The following DPYD variants were observed in gnomAD, a reference collection of about 807,000 sequenced individuals.
DPYD encodes the protein dihydropyrimidine dehydrogenase [NADP(+)].
DPYD carries 109 observed loss-of-function variants against 116.2 expected under a neutral mutation model. The ratio of observed to expected loss-of-function variants is 0.94; its 90% confidence interval spans 0.80 to 1.10. The LOEUF (loss-of-function observed/expected upper bound fraction) is 1.10. Among genes scored for constraint, DPYD ranks in the 50% least tolerant of loss-of-function variants. The pLI is 0.00. For missense variants in DPYD, 1,302 were observed against 1,254.5 expected, an observed-to-expected ratio of 1.04 and a Z score of -0.57; for synonymous variants, 440 against 432.0, an observed-to-expected ratio of 1.02 and a Z score of -0.23.
chr1:97,557,847 C>G (rs533173546), intron 11 of DPYD, among the ~76,000 whole-genome samples: 1 of 152,282 alleles, frequency 6.6e-6, no homozygotes, highest in African/African-American at 2.4e-5. Context: ...GGCAGGCATA[C>G]TGCTGGATAT....
At chr1:97,861,160 A>G (rs1002442028) in intron 2 of DPYD, among the ~76,000 whole-genome samples, 22 of 152,066 alleles carry the variant, frequency 1.4e-4, no homozygotes, top group Non-Finnish European at 2.5e-4. Flanking sequence ...TTAAGGGAAA[A>G]TGATAACTAT....
At chr1:97,203,720 G>T (rs1172105302) in intron 19 of DPYD, among the ~76,000 whole-genome samples, 1 of 90,418 alleles carries the variant, frequency 1.1e-5, no homozygotes, top group East Asian at 7.0e-4. Context: ...TTAACGCATG[G>T]AATTTTTTTC....
At chr1:97,777,857 C>T (rs948036240) in intron 3 of DPYD, among the ~76,000 whole-genome samples, 1 of 151,814 alleles carries the variant, frequency 6.6e-6, no homozygotes, top group African/African-American at 2.4e-5. Context: ...CTTAAGATTA[C>T]ATCAGAAAAT....
At chr1:97,730,750 A>C (rs1571263494) in intron 4 of DPYD, among the ~76,000 whole-genome samples, 1 of 152,200 alleles carries the variant, frequency 6.6e-6, no homozygotes, top group African/African-American at 2.4e-5. Flanking sequence ...GAGAGAAAGA[A>C]AAAGATGAAA....
chr1:97,527,794 GAA>G (rs35111926), intron 12 of DPYD, among the ~76,000 whole-genome samples: 1,331 of 112,750 alleles, frequency 0.012, 20 homozygotes, highest in African/African-American at 0.04. Context: ...ATGAAATTTG[GAA>G]AAAAAAAAAA....
chr1:97,532,567 G>T (rs1014628749), intron 12 of DPYD, among the ~76,000 whole-genome samples: 11 of 151,952 alleles, frequency 7.2e-5, no homozygotes, highest in Non-Finnish European at 1.6e-4. Flanking sequence ...TTTGTTATTG[G>T]TCTTTTCAGG....
At chr1:97,465,202 C>A (rs1677248542) in intron 13 of DPYD, among the ~76,000 whole-genome samples, 1 of 152,172 alleles carries the variant, frequency 6.6e-6, no homozygotes, top group Non-Finnish European at 1.5e-5. Flanking sequence ...GCTGTATTTA[C>A]CCAGTGTCTC....
chr1:97,796,599 C>T (rs2101303866), intron 3 of DPYD, among the ~76,000 whole-genome samples: 1 of 151,980 alleles, frequency 6.6e-6, no homozygotes. Context: ...TGAAAAGAGA[C>T]TCAGGGAGAG....
chr1:97,469,531 T>C (rs944665907), intron 13 of DPYD, among the ~76,000 whole-genome samples: 9 of 151,012 alleles, frequency 6.0e-5, no homozygotes, highest in African/African-American at 1.5e-4. Flanking sequence ...GTAGTGAAAA[T>C]AGAACAATAG....
At chr1:97,426,699 T>A (rs1011460381) in intron 14 of DPYD, among the ~76,000 whole-genome samples, 26 of 152,036 alleles carry the variant, frequency 1.7e-4, no homozygotes, top group Non-Finnish European at 1.5e-5. Context: ...GGAATACTCC[T>A]CTTTTTCAGG....
chr1:97,649,666 T>G (rs1354127731), intron 8 of DPYD, among the ~76,000 whole-genome samples: 2 of 152,136 alleles, frequency 1.3e-5, no homozygotes, highest in African/African-American at 4.8e-5. Flanking sequence ...TGTGTTATTG[T>G]CAGAAGAATA....
chr1:97,902,529 G>A (rs1673417778), intron 1 of DPYD, among the ~76,000 whole-genome samples: 1 of 151,772 alleles, frequency 6.6e-6, no homozygotes, highest in Non-Finnish European at 1.5e-5. Flanking sequence ...CACATGTCAA[G>A]TAATTCTTTA....
chr1:97,820,978 A>C (rs1176619553), intron 3 of DPYD, among the ~76,000 whole-genome samples: 1 of 152,008 alleles, frequency 6.6e-6, no homozygotes, highest in Non-Finnish European at 1.5e-5. Context: ...TCAGAATCTG[A>C]CGTCACCTTT....
chr1:97,920,101 G>A (rs1351286687), intron 1 of DPYD, among the ~76,000 whole-genome samples: 1 of 152,186 alleles, frequency 6.6e-6, no homozygotes, highest in Non-Finnish European at 1.5e-5. Flanking sequence ...GCTCAAAAGT[G>A]CTGACCTAGG....
chr1:97,727,842 G>A (rs910993816), intron 4 of DPYD, among the ~76,000 whole-genome samples: 1 of 151,766 alleles, frequency 6.6e-6, no homozygotes, highest in African/African-American at 2.4e-5. Context: ...ATAGCAAGTG[G>A]GAAGATTTCT....
intron 13 of DPYD, among the ~76,000 whole-genome samples, chr1:97,454,128 T>A (rs1448720843): frequency 6.6e-6 from 1 of 152,026 alleles, no homozygotes; most frequent in African/African-American, 2.4e-5. Flanking sequence ...CAGTAATAAA[T>A]CGGTAATAAA....
intron 16 of DPYD, among the ~76,000 whole-genome samples, chr1:97,354,402 G>T (rs144086261): frequency 6.6e-6 from 1 of 151,850 alleles, no homozygotes; most frequent in Non-Finnish European, 1.5e-5. Flanking sequence ...ATAGTAAAAC[G>T]CAAAATGCAA....
intron 11 of DPYD, among the ~76,000 whole-genome samples, chr1:97,551,994 A>G (rs543388683): frequency 2.6e-5 from 4 of 151,930 alleles, no homozygotes; most frequent in Non-Finnish European, 5.9e-5. Flanking sequence ...TTATATGCAA[A>G]TAATACACTA....
At chr1:97,121,284 T>C (rs975547862) in intron 20 of DPYD, among the ~76,000 whole-genome samples, 1 of 152,104 alleles carries the variant, frequency 6.6e-6, no homozygotes, top group East Asian at 1.9e-4. Context: ...GTGGGAACTT[T>C]CCTAATCATC....
Sources: gnomAD v4.1 joint callset for allele counts (sites outside exome capture counted in the v4.1 genomes callset) on GRCh38, gnomAD v4.1.1 for gene constraint, MANE v1.5 for transcripts, NCBI Gene and HGNC (gene_info 2026-07-23, HGNC 2026-07-21) for gene names.